Variants in TULP3 observed in about 807,000 individuals in gnomAD.
TULP3 encodes TUB like protein 3, also known as tubby-related protein 3.
In TULP3, 38 loss-of-function variants were observed where a neutral mutation model predicts 50.7. The observed-to-expected ratio is 0.75, with a 90% CI of 0.58 to 0.98. The LOEUF (loss-of-function observed/expected upper bound fraction) is 0.98, where lower values mean the gene tolerates loss of function less well. Ranked by LOEUF, TULP3 falls within the 50% of genes least tolerant of loss-of-function variation. The pLI is 0.00. For missense variants in TULP3, 550 were observed against 568.0 expected, an observed-to-expected ratio of 0.97 and a Z score of 0.32; for synonymous variants, 183 against 196.6, an observed-to-expected ratio of 0.93 and a Z score of 0.58.
chr12:2,929,919 AT>A (rs1205752911), intron 4 of TULP3, among the ~76,000 whole-genome samples: 3 of 152,086 alleles, frequency 2.0e-5, no homozygotes, highest in Non-Finnish European at 2.9e-5. Flanking sequence ...ACTTTAATCA[AT>A]TTTAAGTGTG....
Position 2,893,365 on chromosome 12 carries a change from G to A in TULP3, c.41+2377G>A, listed in dbSNP as rs111934181. The stretch of plus-strand genomic sequence containing the variant: ...TTTTTCCAAACGGAGTTTCGCTCTC[G>A]TCGCCCAGGCTGGAGTGCAGTGGCG... On this transcript the variant is annotated intron_variant, in intron 1 of 10. Coordinates refer to ENST00000448120, the MANE Select transcript of TULP3 (RefSeq NM_003324.5). 6.1e-3 allele frequency among the ~76,000 whole-genome samples: 819 copies of A among 134,076 alleles called. 13 individuals carry two copies. Among genetic ancestry groups the A allele is most frequent in the Non-Finnish European group, 5.2e-3 (342 of 65,650 alleles). The allele number at this position is 134,076 out of a possible 152,430, so 88.0% of individuals were successfully genotyped here.
intron 4 of TULP3, among the ~76,000 whole-genome samples, chr12:2,923,187 T>G (rs1030010644): frequency 1.6e-4 from 24 of 152,136 alleles, no homozygotes; most frequent in African/African-American, 5.8e-4. Flanking sequence ...GAGAAGGGAT[T>G]AAGCATCCCC....
In TULP3 at chr12:2,920,947, C is replaced by T. The variant is rs763792679; in HGVS notation, c.253+25C>T. 4 of 1,610,330 alleles carry T rather than the reference C, an allele frequency of 2.5e-6. No homozygotes were observed. In the African/African-American group the frequency reaches 5.3e-5, roughly 22 times the overall value. On this transcript the variant is annotated intron_variant, in intron 3 of 10. Coordinates refer to ENST00000448120, the MANE Select transcript of TULP3 (RefSeq NM_003324.5). ...GGTGTGTATTTAGGCAGCATCACTT[C>T]CTAGTGGGGTACAATTTTCACAAAC...
rs2098202226 is a variant in TULP3 at position 2,937,701 on chromosome 12, A to G, written c.995A>G (p.His332Arg). Reference protein sequence around the residue: ...SVIIPGMTLNHKQIPYQPQNN... With the variant: ...SVIIPGMTLNRKQIPYQPQNN... ...ATCATTCCTGGAATGACACTGAATC[A>G]TAAGCAGATCCCCTATCAGCCACAA... Residue 332 changes from histidine to arginine, a missense_variant, in exon 9 of 11, where the codon CAT (histidine) becomes CGT (arginine). Coordinates refer to ENST00000448120, the MANE Select transcript of TULP3 (RefSeq NM_003324.5). The G allele has an allele frequency of 6.8e-6, 11 of 1,613,360 alleles. No individual in the cohort carries two copies. The highest frequency in any genetic ancestry group is 9.3e-6 in the Non-Finnish European group (11 of 1,179,720).
At chr12:2,930,888 C>G (rs902947329) in intron 5 of TULP3, 149 bp from the exon 6 acceptor site, 12 of 832,782 alleles carry the variant, frequency 1.4e-5, no homozygotes, top group Non-Finnish European at 2.4e-5. Flanking sequence ...TATTCATATA[C>G]TTAATTTAAC....
intron 2 of TULP3, among the ~76,000 whole-genome samples, chr12:2,911,839 G>A (rs562408124): frequency 1.5e-4 from 23 of 151,586 alleles, no homozygotes; most frequent in Non-Finnish European, 2.2e-4. Flanking sequence ...AATAACGTAC[G>A]AGAAGCTGGC....
chr12:2,896,919 A>C (rs2098175862), intron 1 of TULP3, among the ~76,000 whole-genome samples: 1 of 152,204 alleles, frequency 6.6e-6, no homozygotes, highest in Non-Finnish European at 1.5e-5. Context: ...CCTGGCAGGC[A>C]GTATTAAATA....
In TULP3 at chr12:2,939,223, C is replaced by G; in HGVS notation, c.1196-88C>G. The G allele has an allele frequency of 6.2e-6, 9 of 1,453,464 alleles. No individual in the cohort carries two copies. The South Asian group carries it at 1.1e-4, about 18-fold the overall frequency. The allele number at this position is 1,453,464 out of a possible 1,614,324, so 90.0% of individuals were successfully genotyped here. A position where few individuals can be genotyped will look rare whatever the true frequency, so the allele number is the denominator to read the frequency against. ...TCCAGCCAGGGCGACAGAGCAAAAC[C>G]CCATCTAAGAAAAGGAAGAAAAAGA... On this transcript the variant is annotated intron_variant, in intron 10 of 10. Coordinates refer to ENST00000448120, the MANE Select transcript of TULP3 (RefSeq NM_003324.5). The surrounding 1 kb of genome is among the most constrained non-coding windows in gnomAD (Gnocchi z 4.0).
intron 1 of TULP3, among the ~76,000 whole-genome samples, chr12:2,908,425 G>A (rs1275030794): frequency 1.3e-5 from 2 of 151,518 alleles, no homozygotes; most frequent in Non-Finnish European, 2.9e-5. Flanking sequence ...TCAGAGAGAG[G>A]TTGTTTTTTT....
chr12:2,913,242 C>T (rs1230760787), intron 2 of TULP3, among the ~76,000 whole-genome samples: 1 of 97,346 alleles, frequency 1.0e-5, no homozygotes, highest in Non-Finnish European at 2.1e-5. Context: ...TGTGTGGTGG[C>T]CTTTTATTTT....
intron 4 of TULP3, among the ~76,000 whole-genome samples, chr12:2,928,013 TTAC>T (rs375327647): frequency 6.1e-4 from 93 of 152,310 alleles, no homozygotes; most frequent in African/African-American, 2.2e-3. Flanking sequence ...ACACTTTATT[TTAC>T]ATCTGCATTC....
intron 1 of TULP3, among the ~76,000 whole-genome samples, chr12:2,902,882 GAC>G (rs1269493799): frequency 7.2e-6 from 1 of 139,628 alleles, no homozygotes; most frequent in Non-Finnish European, 1.5e-5. Flanking sequence ...TTTTTTTTGA[GAC>G]AGAGTCTCGC....
intron 8 of TULP3, among the ~76,000 whole-genome samples, chr12:2,936,741 C>T (rs924890394): frequency 1.3e-5 from 2 of 151,518 alleles, no homozygotes; most frequent in Admixed American, 6.6e-5. Flanking sequence ...AAGAGTGAAA[C>T]TCTGGTCCCA....
Position 2,934,446 on chromosome 12 carries a change from G to A in TULP3, c.810-1G>A. 1 of 1,572,452 alleles carries A rather than the reference G, an allele frequency of 6.4e-7. No homozygotes were observed. The highest frequency in any genetic ancestry group is 8.6e-7 in the Non-Finnish European group (1 of 1,160,938). Reference sequence around the variant, plus strand: ...ATGGTGACTTTTTCTCCTGACTCCAGATCCAACCTCATGGGGACCAAGTTT... The same window carrying A: ...ATGGTGACTTTTTCTCCTGACTCCAAATCCAACCTCATGGGGACCAAGTTT... On this transcript the variant is annotated splice_acceptor_variant, in intron 7 of 10. Transcript: ENST00000448120. LOFTEE classifies it high-confidence loss of function.
chr12:2,894,759 TG>T (rs1358310831), intron 1 of TULP3, among the ~76,000 whole-genome samples: 1 of 151,460 alleles, frequency 6.6e-6, no homozygotes, highest in Non-Finnish European at 1.5e-5. Flanking sequence ...CCAGTTATGG[TG>T]GTGTGTGCGT....
Position 2,939,264 on chromosome 12 carries a change from G to C in TULP3, c.1196-47G>C, listed in dbSNP as rs749937406. ...AAGAAAAAGAAAAAGATTTCCCTGA[G>C]TGCAACCACATTATATTCTAACATG... On this transcript the variant is annotated intron_variant, in intron 10 of 10. Transcript: ENST00000448120. The surrounding 1 kb of genome is among the most constrained non-coding windows in gnomAD (Gnocchi z 4.0). The C allele has an allele frequency of 6.3e-7, 1 of 1,594,112 alleles. No homozygotes were observed. Among genetic ancestry groups the C allele is most frequent in the Non-Finnish European group, 8.6e-7 (1 of 1,166,580 alleles).
At chr12:2,929,295 C>A (rs1174910621) in intron 4 of TULP3, among the ~76,000 whole-genome samples, 5 of 151,748 alleles carry the variant, frequency 3.3e-5, no homozygotes, top group African/African-American at 1.2e-4. Context: ...CCAGCCTGGG[C>A]GACAGAGCGA....
At position 2,922,133 on chromosome 12, in the gene TULP3, G is replaced by A. The variant is rs2098192136; in HGVS notation, c.254-129G>A. On this transcript the variant is annotated intron_variant, in intron 3 of 10. Transcript: ENST00000448120. ...CTTCTCTCTTAACAAATGTTCTTAT[G>A]GATGTTAAGAAAGGAGGGCAGATAA... The A allele has an allele frequency of 1.4e-5, 16 of 1,117,002 alleles. No homozygotes were observed. In the South Asian group the frequency reaches 2.6e-4, roughly 18 times the overall value. 69.2% of individuals were successfully genotyped at this position (1,117,002 alleles called of 1,614,324 possible). A position where few individuals can be genotyped will look rare whatever the true frequency, so the allele number is the denominator to read the frequency against.
chr12:2,901,832 G>A (rs7955862), intron 1 of TULP3, among the ~76,000 whole-genome samples: 72,671 of 151,938 alleles, frequency 0.48, 17,848 homozygotes, highest in African/African-American at 0.6. Context: ...CAGAACAAAA[G>A]TTTTTCATTT....
Sources: gnomAD v4.1 joint callset for allele counts (sites outside exome capture counted in the v4.1 genomes callset) on GRCh38, gnomAD v4.1.1 for gene constraint, Gnocchi (gnomAD v3.1) non-coding constraint, MANE v1.5 for transcripts, NCBI Gene and HGNC (gene_info 2026-07-23, HGNC 2026-07-21) for gene names.